EIF3H: variants seen among roughly 807,000 people sequenced by gnomAD.
EIF3H encodes eukaryotic translation initiation factor 3 subunit H.
Under a neutral mutation model 44.2 loss-of-function variants are expected in EIF3H, and 26 were observed. That is an observed-to-expected ratio of 0.59 (90% CI 0.43 to 0.82). EIF3H has a LOEUF of 0.82. Among genes scored for constraint, EIF3H ranks in the 40% least tolerant of loss-of-function variants. The pLI is 0.00. For missense variants in EIF3H, 359 were observed against 432.8 expected (o/e 0.83, Z 1.51); for synonymous variants, 166 against 151.9 (o/e 1.09, Z -0.68).
intron 1 of EIF3H, among the ~76,000 whole-genome samples, chr8:116,730,897 G>T (rs551117199): frequency 6.6e-6 from 1 of 152,188 alleles, no homozygotes; most frequent in Non-Finnish European, 1.5e-5. Flanking sequence ...TGTGAAGTCA[G>T]TTATATTATT....
rs571180728 is a variant in EIF3H, at chr8:116,642,445, G to A, written c.*2561C>T. The A allele has an allele frequency of 4.6e-5, 7 of 152,222 alleles. No homozygotes were observed. Among genetic ancestry groups the A allele is most frequent in the African/African-American group, 1.7e-4 (7 of 41,548 alleles). 9.4% of individuals were successfully genotyped at this position (152,222 alleles called of 1,614,324 possible). ...AGGTAAAAAAATTATTTTAGTTTAA[G>A]TTGATATTAAAAACACATTGGGAGC... is the stretch of plus-strand genomic sequence containing the variant. On this transcript the variant is annotated 3_prime_UTR_variant, in exon 8 of 8. Coordinates refer to ENST00000521861, the MANE Select transcript of EIF3H (RefSeq NM_003756.3).
At chr8:116,726,246 C>A (rs557141249) in intron 1 of EIF3H, 74 bp from the exon 2 acceptor site, 1 of 1,485,860 alleles carries the variant, frequency 6.7e-7, no homozygotes, top group South Asian at 1.4e-5. Context: ...TAAGAAAAAA[C>A]AAAAGAAACT....
chr8:116,658,559 G>A (rs959414323), intron 3 of EIF3H: 3 of 363,162 alleles, frequency 8.3e-6, no homozygotes, highest in Non-Finnish European at 1.5e-5. Flanking sequence ...ATGAGGGAGG[G>A]GAGATGGAGG....
exon 1 of EIF3H, chr8:116,765,675 C>A (rs4876680): frequency 1.3e-5 from 2 of 152,022 alleles, no homozygotes; most frequent in Non-Finnish European, 2.9e-5. Context: ...AGAGACCATG[C>A]ACATAAAAAG....
chr8:116,703,599 G>T (rs1478517904), intron 2 of EIF3H, among the ~76,000 whole-genome samples: 1 of 152,184 alleles, frequency 6.6e-6, no homozygotes, highest in African/African-American at 2.4e-5. Flanking sequence ...AAGAAATAAT[G>T]ATGTAAGCTG....
At chr8:116,720,681 T>C (rs923653686) in intron 2 of EIF3H, among the ~76,000 whole-genome samples, 2 of 152,168 alleles carry the variant, frequency 1.3e-5, no homozygotes, top group African/African-American at 4.8e-5. Context: ...CAGAGACTTG[T>C]TGAATGGTTT....
Position 116,763,948 on chromosome 8 carries a change from C to T in EIF3H, c.-27+1567G>A, listed in dbSNP as rs539818441. Among the ~76,000 whole-genome samples the T allele has an allele frequency of 1.3e-4, 20 of 152,112 alleles. 1 individual carries two copies. The South Asian group carries it at 3.5e-3, about 27-fold the overall frequency. ...AAGTCCTATTTGGGAATTAGTCATA[C>T]GTTTCAAAAATAAATTATTCTCATG... On this transcript the variant is annotated intron_variant, in intron 1 of 9. Transcript: ENST00000276682.
chr8:116,758,228 AGG>A (rs1346599970), upstream of EIF3H, among the ~76,000 whole-genome samples: 1 of 152,204 alleles, frequency 6.6e-6, no homozygotes, highest in African/African-American at 2.4e-5. Flanking sequence ...ATATCAAATA[AGG>A]CAAAATTCAG....
At chr8:116,749,054 T>C (rs1232117330) in intron 1 of EIF3H, among the ~76,000 whole-genome samples, 3 of 152,192 alleles carry the variant, frequency 2.0e-5, no homozygotes, top group South Asian at 2.1e-4. Context: ...ATTAATAACA[T>C]ACTCTACCTT....
At chr8:116,715,612 G>A (rs567644039) in intron 2 of EIF3H, among the ~76,000 whole-genome samples, 9 of 152,116 alleles carry the variant, frequency 5.9e-5, no homozygotes, top group Non-Finnish European at 1.3e-4. Context: ...TGGCTCTGAC[G>A]CAAAATAAAG....
At chr8:116,741,407 A>C (rs1815130088) in intron 1 of EIF3H, among the ~76,000 whole-genome samples, 1 of 152,250 alleles carries the variant, frequency 6.6e-6, no homozygotes, top group Admixed American at 6.5e-5. Context: ...GATGTTTTGA[A>C]TCTGCATTAA....
intron 2 of EIF3H, among the ~76,000 whole-genome samples, chr8:116,689,747 T>C (rs1399984113): frequency 6.6e-6 from 1 of 152,178 alleles, no homozygotes; most frequent in Non-Finnish European, 1.5e-5. Flanking sequence ...TGCATTGCTA[T>C]TACAAAATCA....
At chr8:116,657,387 C>T in intron 3 of EIF3H, 73 bp from the exon 4 acceptor site, 2 of 1,118,602 alleles carry the variant, frequency 1.8e-6, no homozygotes, top group Non-Finnish European at 2.7e-6. Flanking sequence ...TGGTTCTAGG[C>T]ACATTCTGTT....
At chr8:116,748,433 GGAGA>G (rs1385389223) in intron 1 of EIF3H, among the ~76,000 whole-genome samples, 1 of 152,136 alleles carries the variant, frequency 6.6e-6, no homozygotes, top group Non-Finnish European at 1.5e-5. Context: ...ATAAAAAGAT[GGAGA>G]AATATGAACA....
upstream of EIF3H, chr8:116,766,372 C>A: frequency 2.2e-6 from 1 of 447,786 alleles, no homozygotes. Context: ...CCAGCGTACG[C>A]ACAAGTTCCG....
intron 1 of EIF3H, among the ~76,000 whole-genome samples, chr8:116,749,776 T>C (rs937358437): frequency 3.9e-4 from 16 of 41,156 alleles, no homozygotes; most frequent in African/African-American, 1.4e-3. Context: ...GCTTATAACT[T>C]TGCTCCTCCA....
At chr8:116,741,408 T>A (rs1815130145) in intron 1 of EIF3H, among the ~76,000 whole-genome samples, 1 of 152,248 alleles carries the variant, frequency 6.6e-6, no homozygotes, top group Admixed American at 6.5e-5. Flanking sequence ...ATGTTTTGAA[T>A]CTGCATTAAA....
At chr8:116,660,406 T>C (rs1411577698) in intron 2 of EIF3H, among the ~76,000 whole-genome samples, 1 of 152,234 alleles carries the variant, frequency 6.6e-6, no homozygotes, top group African/African-American at 2.4e-5. Flanking sequence ...GGACACAGTC[T>C]GATTTTTCAT....
intron 2 of EIF3H, among the ~76,000 whole-genome samples, chr8:116,716,809 C>T (rs975959526): frequency 2.0e-5 from 3 of 152,092 alleles, no homozygotes; most frequent in Non-Finnish European, 4.4e-5. Flanking sequence ...TTGTCCATCT[C>T]TGATTTAAAC....
Sources: gnomAD v4.1 joint callset for allele counts (sites outside exome capture counted in the v4.1 genomes callset) on GRCh38, gnomAD v4.1.1 for gene constraint, MANE v1.5 for transcripts, NCBI Gene and HGNC (gene_info 2026-07-23, HGNC 2026-07-21) for gene names.